The following HMGCS2 variants were observed in gnomAD, a reference collection of about 807,000 sequenced individuals.
HMGCS2 encodes 3-hydroxy-3-methylglutaryl-CoA synthase 2.
A neutral mutation model predicts 57.4 loss-of-function variants in HMGCS2; 50 were observed. That is an observed-to-expected ratio of 0.87 (90% CI 0.69 to 1.10). The LOEUF is 1.10. HMGCS2 is among the 50% of genes least tolerant of loss of function. The probability of loss-of-function intolerance (pLI) is 0.00; values close to 1 mark genes in which losing one functional copy is unlikely to be tolerated. For synonymous variants in HMGCS2, 254 were observed against 245.1 expected, an observed-to-expected ratio of 1.04 and a Z score of -0.34; for missense variants, 627 against 636.5, an observed-to-expected ratio of 0.99 and a Z score of 0.16.
intron 1 of HMGCS2, among the ~76,000 whole-genome samples, chr1:119,768,119 C>A (rs898646057): frequency 7.9e-5 from 12 of 152,148 alleles, no homozygotes; most frequent in Admixed American, 2.0e-4. Context: ...TGGCTGGGAG[C>A]CTGAGGCACT....
chr1:119,759,294 C>T lies in HMGCS2; in HGVS notation c.686-12G>A. 1 of 1,613,234 alleles carries T rather than the reference C, an allele frequency of 6.2e-7. No individual in the cohort carries two copies. Among genetic ancestry groups the T allele is most frequent in the Non-Finnish European group, 8.5e-7 (1 of 1,179,628 alleles). On this transcript the variant is annotated splice_polypyrimidine_tract_variant and intron_variant, in intron 3 of 9. Coordinates refer to ENST00000369406, the MANE Select transcript of HMGCS2 (RefSeq NM_005518.4). ...GGTTCCCCTCAGCCCTGGAAAGGCA[C>T]ACAAAGTGTTTCAGAGACTACACAA...
At chr1:119,761,038 G>A (rs1266913242) in intron 2 of HMGCS2, among the ~76,000 whole-genome samples, 2 of 150,948 alleles carry the variant, frequency 1.3e-5, no homozygotes, top group African/African-American at 2.4e-5. Context: ...CAACATCAAC[G>A]AAAAAGTATT....
At chr1:119,751,958 T>A (rs1002502519) in intron 8 of HMGCS2, among the ~76,000 whole-genome samples, 2 of 152,096 alleles carry the variant, frequency 1.3e-5, no homozygotes, top group Non-Finnish European at 2.9e-5. Context: ...AGTATTACCT[T>A]TGGGTTTCAT....
chr1:119,757,136 T>A, intron 5 of HMGCS2, 137 bp downstream of exon 5: 2 of 1,414,748 alleles, frequency 1.4e-6, no homozygotes, highest in Non-Finnish European at 9.8e-7. Flanking sequence ...TGGAAGGACC[T>A]GGGATTGTTC....
At position 119,748,669 on chromosome 1, in the gene HMGCS2, G is replaced by A. The variant is rs1027479499; in HGVS notation, c.*178C>T. 5.3e-5 allele frequency: 8 copies of A among 152,200 alleles called. No individual in the cohort carries two copies. The highest frequency in any genetic ancestry group is 1.0e-4 in the Non-Finnish European group (7 of 68,064). The allele number at this position is 152,200 out of a possible 1,614,324, so 9.4% of individuals were successfully genotyped here. On this transcript the variant is annotated 3_prime_UTR_variant, in exon 10 of 10. Transcript: ENST00000369406. ...AGGACAGTGATTGCAGCATGGAGAG[G>A]AATGAAGGGCCCGCTAGAGATGGCT... is the stretch of plus-strand genomic sequence containing the variant.
At chr1:119,764,088 C>G in intron 2 of HMGCS2, 84 bp downstream of exon 2, 2 of 1,192,934 alleles carry the variant, frequency 1.7e-6, no homozygotes, top group South Asian at 1.2e-5. Context: ...GATGAAGCCA[C>G]CTGGGGAACT....
At position 119,759,848 on chromosome 1, in the gene HMGCS2, A is replaced by G. The variant is rs771558876; in HGVS notation, c.685+16T>C. The stretch of plus-strand genomic sequence containing the variant: ...CTATGCCATGCACAGCCTCTTGGTA[A>G]TGGATTACTACAAACCTCGCTCCAG... On this transcript the variant is annotated intron_variant, in intron 3 of 9. Transcript: ENST00000369406. The G allele has an allele frequency of 2.5e-6, 4 of 1,613,880 alleles. No homozygotes were observed. Among genetic ancestry groups the G allele is most frequent in the Non-Finnish European group, 3.4e-6 (4 of 1,179,876 alleles).
intron 5 of HMGCS2, among the ~76,000 whole-genome samples, chr1:119,757,004 C>T (rs1050569092): frequency 6.6e-6 from 1 of 152,196 alleles, no homozygotes; most frequent in Non-Finnish European, 1.5e-5. Flanking sequence ...CCCTTTCTCT[C>T]TTTCTTTCTT....
At chr1:119,758,245 G>A (rs1333737539) in intron 4 of HMGCS2, among the ~76,000 whole-genome samples, 1 of 152,212 alleles carries the variant, frequency 6.6e-6, no homozygotes, top group African/African-American at 2.4e-5. Context: ...TTATTTATAT[G>A]TTTTTAGAGA....
At chr1:119,768,046 G>A (rs745983682) in intron 1 of HMGCS2, among the ~76,000 whole-genome samples, 1 of 152,146 alleles carries the variant, frequency 6.6e-6, no homozygotes, top group Non-Finnish European at 1.5e-5. Flanking sequence ...AAAAATGTAA[G>A]GAAATAAAGA....
chr1:119,764,726 G>C (rs1653162096), intron 1 of HMGCS2, 100 bp from the exon 2 acceptor site: 1 of 932,018 alleles, frequency 1.1e-6, no homozygotes, highest in Non-Finnish European at 1.7e-6. Flanking sequence ...TCTATATTTT[G>C]AAGCTATGTT....
intron 7 of HMGCS2, among the ~76,000 whole-genome samples, chr1:119,753,007 T>C (rs1020856853): frequency 6.6e-6 from 1 of 152,190 alleles, no homozygotes; most frequent in African/African-American, 2.4e-5. Flanking sequence ...CCATTACCTC[T>C]TGCCTGAACT....
At chr1:119,755,618 G>A in intron 5 of HMGCS2, 21 bp from the exon 6 acceptor site, 1 of 1,613,796 alleles carries the variant, frequency 6.2e-7, no homozygotes, top group Non-Finnish European at 8.5e-7. Context: ...GCCAGAGGTA[G>A]CCATGTGAGA....
At chr1:119,749,401 CT>C (rs376800888) in intron 9 of HMGCS2, among the ~76,000 whole-genome samples, 6 of 146,768 alleles carry the variant, frequency 4.1e-5, no homozygotes, top group Admixed American at 6.8e-5. Flanking sequence ...TCCCCCCTCC[CT>C]CCCTATTTCT....
chr1:119,756,521 C>G (rs1170613729), intron 5 of HMGCS2, among the ~76,000 whole-genome samples: 1 of 152,016 alleles, frequency 6.6e-6, no homozygotes, highest in African/African-American at 2.4e-5. Context: ...CACTTGGTAG[C>G]CTATTCTACT....
chr1:119,767,189 AC>A (rs769456344), intron 1 of HMGCS2, among the ~76,000 whole-genome samples: 9 of 152,302 alleles, frequency 5.9e-5, no homozygotes, highest in Middle Eastern at 3.4e-3. Flanking sequence ...AATGATAAGC[AC>A]ACATATAACC....
chr1:119,761,786 TA>T (rs954066467), intron 2 of HMGCS2, among the ~76,000 whole-genome samples: 23 of 149,412 alleles, frequency 1.5e-4, no homozygotes, highest in African/African-American at 3.9e-4. Context: ...AAATAAAAAA[TA>T]AAAAAAGGCA....
At chr1:119,760,091 G>A (rs1383896445) in intron 2 of HMGCS2, 102 bp from the exon 3 acceptor site, 4 of 1,078,274 alleles carry the variant, frequency 3.7e-6, no homozygotes, top group Admixed American at 4.0e-5. Flanking sequence ...GATATAGAGT[G>A]ATAAACAAAA....
In HMGCS2 at chr1:119,757,389, A is replaced by C. The variant is rs1211527690; in HGVS notation, c.900T>G (p.Phe300Leu). Reference protein sequence around the residue: ...FTLDDLQYMIFHTPFCKMVQK... With the variant: ...FTLDDLQYMILHTPFCKMVQK... ...GGACCATCTTGCAAAAGGGTGTATG[A>C]AAGATCATGTACTGTAAATCGTCAA... is the stretch of plus-strand genomic sequence containing the variant. The change falls in exon 5 of 10, where the codon TTT becomes TTG. Residue 300 changes from phenylalanine (F) to leucine (L), a missense_variant. By Grantham distance (22) the Phe-to-Leu change is conservative. Transcript: ENST00000369406. 2 of 1,614,172 alleles carry C rather than the reference A, an allele frequency of 1.2e-6. No individual in the cohort carries two copies. The highest frequency in any genetic ancestry group is 1.7e-5 in the Admixed American group (1 of 60,020).
Sources: gnomAD v4.1 joint callset for allele counts (sites outside exome capture counted in the v4.1 genomes callset) on GRCh38, gnomAD v4.1.1 for gene constraint, MANE v1.5 for transcripts, NCBI Gene and HGNC (gene_info 2026-07-23, HGNC 2026-07-21) for gene names.